The following RANBP2 variants were observed in gnomAD, a reference collection of about 807,000 sequenced individuals.
The protein encoded by RANBP2 is RAN binding protein 2.
RANBP2 carries 57 observed loss-of-function variants against 303.6 expected under a neutral mutation model. The ratio of observed to expected loss-of-function variants is 0.19; its 90% confidence interval spans 0.15 to 0.23. RANBP2 has a LOEUF of 0.23. RANBP2 is among the 10% of genes least tolerant of loss of function. RANBP2 has a pLI of 1.00. For missense variants in RANBP2, 3,138 were observed against 3,780.8 expected, an observed-to-expected ratio of 0.83 and a Z score of 4.46; for synonymous variants, 1,167 against 1,301.5, an observed-to-expected ratio of 0.90 and a Z score of 2.23.
the RANBP2 span, among the ~76,000 whole-genome samples, chr2:109,315,999 G>A: frequency 6.6e-6 from 1 of 152,186 alleles, no homozygotes; most frequent in South Asian, 2.1e-4. Context: ...GAGATTATAT[G>A]TGCATGCATC....
chr2:109,428,255 GA>G, the RANBP2 span, among the ~76,000 whole-genome samples: 1 of 152,262 alleles, frequency 6.6e-6, no homozygotes, highest in Non-Finnish European at 1.5e-5. Context: ...ATCTAGAGGA[GA>G]AAGGGGATGA....
At chr2:109,446,887 G>A in the RANBP2 span, among the ~76,000 whole-genome samples, 9 of 152,094 alleles carry the variant, frequency 5.9e-5, no homozygotes, top group East Asian at 1.9e-4. Context: ...TCCCAACGCC[G>A]AGGGCCACAG....
chr2:109,388,152 G>A, the RANBP2 span, among the ~76,000 whole-genome samples: 1 of 152,060 alleles, frequency 6.6e-6, no homozygotes, highest in Non-Finnish European at 1.5e-5. Flanking sequence ...AAATACTTAG[G>A]TCACTTATGT....
At chr2:109,108,472 A>T in the RANBP2 span, among the ~76,000 whole-genome samples, 37 of 152,330 alleles carry the variant, frequency 2.4e-4, no homozygotes, top group South Asian at 6.2e-3. Context: ...CAAGCCCACC[A>T]TGAATGATAC....
the RANBP2 span, among the ~76,000 whole-genome samples, chr2:109,018,747 A>G: frequency 2.0e-5 from 3 of 152,140 alleles, no homozygotes; most frequent in Non-Finnish European, 4.4e-5. Flanking sequence ...CTCAGTTCTG[A>G]TGTTACTTAG....
chr2:108,949,577 C>G, the RANBP2 span, among the ~76,000 whole-genome samples: 1 of 152,148 alleles, frequency 6.6e-6, no homozygotes, highest in Non-Finnish European at 1.5e-5. Context: ...TTAATTGCAT[C>G]ATAAAATCTT....
At chr2:109,732,866 C>T in the RANBP2 span, 20 of 1,269,260 alleles carry the variant, frequency 1.6e-5, no homozygotes, top group Middle Eastern at 1.9e-4. Context: ...TGAAGATCCC[C>T]GAGATGCAGC....
the RANBP2 span, among the ~76,000 whole-genome samples, chr2:109,679,957 C>G: frequency 6.6e-6 from 1 of 151,946 alleles, no homozygotes; most frequent in Non-Finnish European, 1.5e-5. Context: ...TGTGAGCAGA[C>G]GAAATCAGTC....
At chr2:109,198,703 G>T in the RANBP2 span, among the ~76,000 whole-genome samples, 2 of 152,124 alleles carry the variant, frequency 1.3e-5, no homozygotes, top group East Asian at 3.9e-4. Flanking sequence ...CTTAAAAGGG[G>T]ACTAATCCCA....
chr2:109,678,070 G>A, the RANBP2 span, among the ~76,000 whole-genome samples: 176 of 152,318 alleles, frequency 1.2e-3, no homozygotes, highest in African/African-American at 3.7e-3. Context: ...GAGATGATGG[G>A]CTTCGGAAGG....
chr2:108,796,487 C>T, the RANBP2 span, among the ~76,000 whole-genome samples: 5 of 152,118 alleles, frequency 3.3e-5, no homozygotes, highest in Admixed American at 1.3e-4. Context: ...TGGGTATATC[C>T]CCGAAAAAAG....
the RANBP2 span, among the ~76,000 whole-genome samples, chr2:108,790,842 C>G: frequency 1.3e-5 from 2 of 152,184 alleles, no homozygotes; most frequent in African/African-American, 4.8e-5. Flanking sequence ...GCCTCCAACT[C>G]CTGGGCTCAA....
At chr2:109,369,051 C>T in the RANBP2 span, among the ~76,000 whole-genome samples, 3 of 152,060 alleles carry the variant, frequency 2.0e-5, no homozygotes, top group Admixed American at 1.3e-4. Flanking sequence ...TTAGAAAAGC[C>T]CTCCCACACT....
chr2:109,368,860 G>A, the RANBP2 span, among the ~76,000 whole-genome samples: 1 of 152,144 alleles, frequency 6.6e-6, no homozygotes, highest in South Asian at 2.1e-4. Context: ...GGAAGCCTTT[G>A]GTTATCTCTC....
the RANBP2 span, among the ~76,000 whole-genome samples, chr2:108,827,366 TAA>T: frequency 6.6e-6 from 1 of 151,994 alleles, no homozygotes; most frequent in Admixed American, 6.6e-5. Flanking sequence ...GTAAAATAAA[TAA>T]AAGAGAAAAT....
At chr2:109,458,980 T>C in the RANBP2 span, among the ~76,000 whole-genome samples, 22 of 152,264 alleles carry the variant, frequency 1.4e-4, no homozygotes, top group Middle Eastern at 6.8e-3. Flanking sequence ...CTCCCTAAAC[T>C]ATACTTAGTT....
At chr2:108,742,563 C>G (rs1332114520) in intron 7 of RANBP2, among the ~76,000 whole-genome samples, 2 of 152,046 alleles carry the variant, frequency 1.3e-5, no homozygotes, top group Non-Finnish European at 2.9e-5. Flanking sequence ...CTTGGCCTCT[C>G]AAAGTGCTGG....
the RANBP2 span, chr2:108,816,144 T>G: frequency 6.7e-7 from 1 of 1,491,210 alleles, no homozygotes; most frequent in Non-Finnish European, 9.2e-7. Flanking sequence ...TCAGAATATA[T>G]GAAGATTAAA....
At chr2:109,373,537 A>G in the RANBP2 span, among the ~76,000 whole-genome samples, 51 of 152,334 alleles carry the variant, frequency 3.3e-4, no homozygotes, top group Non-Finnish European at 1.8e-4. Flanking sequence ...GAAATTTTTG[A>G]AAGAAGCCAG....
Sources: gnomAD v4.1 joint callset for allele counts (sites outside exome capture counted in the v4.1 genomes callset) on GRCh38, gnomAD v4.1.1 for gene constraint, MANE v1.5 for transcripts, NCBI Gene and HGNC (gene_info 2026-07-23, HGNC 2026-07-21) for gene names.